TFDP1: variants seen among roughly 807,000 people sequenced by gnomAD.
TFDP1 encodes DRTF1-polypeptide 1.
A neutral mutation model predicts 48.0 loss-of-function variants in TFDP1; 6 were observed. The ratio of observed to expected loss-of-function variants is 0.13; its 90% CI spans 0.07 to 0.25. TFDP1 has a LOEUF of 0.25. Among genes scored for constraint, TFDP1 ranks in the 10% least tolerant of loss-of-function variants. The probability of loss-of-function intolerance (pLI) is 1.00; values close to 1 mark genes in which losing one functional copy is unlikely to be tolerated. For synonymous variants in TFDP1, 201 were observed against 211.6 expected, an observed-to-expected ratio of 0.95 and a Z score of 0.44; for missense variants, 335 against 543.0, an observed-to-expected ratio of 0.62 and a Z score of 3.81.
Position 113,636,103 on chromosome 13 carries a change from A to G in TFDP1, c.814A>G (p.Ile272Val), listed in dbSNP as rs750673935. The G allele has an allele frequency of 6.2e-7, 1 of 1,614,226 alleles. No individual in the cohort carries two copies. Among genetic ancestry groups the G allele is most frequent in the East Asian group, 2.2e-5 (1 of 44,888 alleles). The change falls in exon 9 of 12, where the codon ATC becomes GTC. Residue 272 changes from isoleucine to valine, a missense_variant. By Grantham distance (29) the Ile-to-Val change is conservative. This residue lies in a region of TFDP1 where 204 missense variants were observed against 287.1 expected (regional missense o/e 0.71). Coordinates refer to ENST00000375370, the MANE Select transcript of TFDP1 (RefSeq NM_007111.5). ...IIVNTSKKTV[I>V]DCSISNDKFE... ...CGTCAACACCAGCAAGAAGACGGTC[A>G]TCGACTGCAGCATCTCCAATGACAA...
chr13:113,594,453 T>C (rs972939223), intron 2 of TFDP1, among the ~76,000 whole-genome samples: 2 of 151,146 alleles, frequency 1.3e-5, no homozygotes, highest in African/African-American at 4.9e-5. Context: ...AGGTGACAGG[T>C]GTGCTGTGTG....
chr13:113,628,264 C>T (rs943894957), intron 4 of TFDP1, among the ~76,000 whole-genome samples: 8 of 151,416 alleles, frequency 5.3e-5, no homozygotes, highest in South Asian at 2.1e-4. Context: ...TGTCTGAAGC[C>T]GTGTAAAGAC....
At chr13:113,599,775 C>T (rs375434050) in intron 2 of TFDP1, among the ~76,000 whole-genome samples, 5 of 151,768 alleles carry the variant, frequency 3.3e-5, no homozygotes, top group African/African-American at 1.2e-4. Context: ...AGAATCCTTG[C>T]ACTTAGGGCT....
At chr13:113,611,250 C>T (rs922839858) in intron 3 of TFDP1, among the ~76,000 whole-genome samples, 188 bp downstream of exon 3, 1 of 152,256 alleles carries the variant, frequency 6.6e-6, no homozygotes, top group African/African-American at 2.4e-5. Context: ...CCTGCACACA[C>T]ACCAGTAGCT....
rs752045954 is a variant in TFDP1 at position 113,640,262 on chromosome 13, G to A, written c.1228G>A (p.Asp410Asn). ...TGACTTCAACGAGAATGACGAGGACGACTGACGTCCTCCCCACTTCAGATT... is the reference window on the plus strand; with the variant it reads ...TGACTTCAACGAGAATGACGAGGACAACTGACGTCCTCCCCACTTCAGATT... The part of the protein sequence containing the change: ...DDDFNENDED[D>N] Residue 410 changes from aspartate to asparagine, a missense_variant, in exon 12 of 12, where the codon GAC becomes AAC. By Grantham distance (23) the Asp-to-Asn change is conservative (BLOSUM62 1). Transcript: ENST00000375370. 17 of 1,611,214 alleles carry A rather than the reference G, an allele frequency of 1.1e-5. 1 individual carries two copies. The highest frequency in any genetic ancestry group is 3.3e-5 in the South Asian group (3 of 90,624).
chr13:113,598,715 G>A lies in TFDP1; in HGVS notation c.13-12281G>A, dbSNP rs4150706. Among the ~76,000 whole-genome samples, 76 of 152,254 alleles carry A rather than the reference G, an allele frequency of 5.0e-4. No individual in the cohort carries two copies. Among genetic ancestry groups the A allele is most frequent in the African/African-American group, 1.7e-3 (71 of 41,532 alleles). On this transcript the variant is annotated intron_variant, in intron 2 of 11. Coordinates refer to ENST00000375370, the MANE Select transcript of TFDP1 (RefSeq NM_007111.5). The surrounding 1 kb of genome is among the most constrained non-coding windows in gnomAD (Gnocchi z 4.2). ...CCCCTTTCCTGGTCATTTAAGTTGCGTGGGGCCGGGAGGAGGCGTTCTCTG... is the reference window on the plus strand; with the variant it reads ...CCCCTTTCCTGGTCATTTAAGTTGCATGGGGCCGGGAGGAGGCGTTCTCTG...
Position 113,623,360 on chromosome 13 carries a change from A to G in TFDP1, c.186+74A>G. The G allele has an allele frequency of 1.4e-6, 2 of 1,419,012 alleles. No individual in the cohort carries two copies. The highest frequency in any genetic ancestry group is 5.0e-5 in the East Asian group (2 of 40,084). 87.9% of individuals were successfully genotyped at this position (1,419,012 alleles called of 1,614,324 possible). On this transcript the variant is annotated intron_variant, in intron 4 of 11. Transcript: ENST00000375370. The surrounding 1 kb of genome is among the most constrained non-coding windows in gnomAD (Gnocchi z 5.2). ...GATCGGATGAGCCGTGTGGTTGGGG[A>G]TGTTCCCAGGTGTGCCTGGATTTGG...
At position 113,623,157 on chromosome 13, in the gene TFDP1, G is replaced by T; in HGVS notation, c.80-23G>T. ...AACTTAGAAAAGGAGTCTCGCCCTT[G>T]ACCTGGTGTCCTTGTGTTGCAGGCG... On this transcript the variant is annotated intron_variant, in intron 3 of 11. Transcript: ENST00000375370. This position sits in a 1 kb window ranked among gnomAD's most constrained non-coding sequence, Gnocchi z 5.2. The T allele has an allele frequency of 1.2e-6, 2 of 1,603,674 alleles. No individual in the cohort carries two copies. The highest frequency in any genetic ancestry group is 1.1e-5 in the South Asian group (1 of 89,568).
Sources: allele counts gnomAD v4.1 joint callset (sites outside exome capture counted in the v4.1 genomes callset), GRCh38; gene constraint gnomAD v4.1.1; regional missense constraint gnomAD v4.1.1; non-coding constraint Gnocchi (gnomAD v3.1); transcripts MANE v1.5; gene names NCBI Gene and HGNC (gene_info 2026-07-23, HGNC 2026-07-21).